Variants in LINGO1 observed in about 807,000 individuals in gnomAD.
The protein encoded by LINGO1 is leucine-rich repeat and immunoglobulin-like domain-containing nogo receptor-interacting protein 1.
Under a neutral mutation model 37.3 loss-of-function variants are expected in LINGO1, and 11 were observed. The observed-to-expected ratio is 0.29, with a 90% CI of 0.19 to 0.49. LINGO1 has a LOEUF of 0.49. Among genes scored for constraint, LINGO1 ranks in the 20% least tolerant of loss-of-function variants. The pLI is 0.99. For missense variants in LINGO1, 585 were observed against 878.2 expected (o/e 0.67, Z 4.22); for synonymous variants, 387 against 403.0 (o/e 0.96, Z 0.48).
At chr15:77,641,256 C>T (rs1231842013) in intron 3 of LINGO1, among the ~76,000 whole-genome samples, 1 of 152,208 alleles carries the variant, frequency 6.6e-6, no homozygotes, top group Non-Finnish European at 1.5e-5. Context: ...CCTTCTTCTC[C>T]AGCTGATGGG....
chr15:77,770,555 T>C (rs1302363853), intron 1 of LINGO1, among the ~76,000 whole-genome samples: 1 of 127,292 alleles, frequency 7.9e-6, no homozygotes, highest in Non-Finnish European at 1.5e-5. Flanking sequence ...GCCATTGCAC[T>C]CCAGCCTGGG....
At chr15:77,642,267 C>G (rs1325999739) in intron 3 of LINGO1, among the ~76,000 whole-genome samples, 1 of 152,198 alleles carries the variant, frequency 6.6e-6, no homozygotes, top group African/African-American at 2.4e-5. Context: ...GTTGCCAGGG[C>G]TTGGTTCATC....
intron 2 of LINGO1, chr15:77,707,287 G>A (rs1432589224): frequency 1.3e-5 from 2 of 152,186 alleles, no homozygotes; most frequent in African/African-American, 4.8e-5. Context: ...GAAAGAAAAG[G>A]GTCTCCACGG....
At chr15:77,617,192 C>T (rs890043276) in intron 1 of LINGO1, among the ~76,000 whole-genome samples, 2 of 152,152 alleles carry the variant, frequency 1.3e-5, no homozygotes, top group African/African-American at 4.8e-5. Flanking sequence ...ATGCGGGAGC[C>T]TCCGTGACCC....
chr15:77,758,766 G>A (rs1281131049), intron 1 of LINGO1, among the ~76,000 whole-genome samples: 1 of 151,992 alleles, frequency 6.6e-6, no homozygotes, highest in African/African-American at 2.4e-5. Context: ...GGATCAGATG[G>A]GGCCACCATC....
At position 77,632,870 on chromosome 15, in the gene LINGO1, C is replaced by T. The variant is rs887411099; in HGVS notation, c.-555G>A. ...CCGCTCCGGCTCCCGCGCCGGCTCC[C>T]GCTCGGGCTCCGCGCTCTGCAGCGG... On this transcript the variant is annotated 5_prime_UTR_variant, in exon 1 of 2. Coordinates refer to ENST00000355300, the MANE Select transcript of LINGO1 (RefSeq NM_032808.7). The surrounding 1 kb of genome is among the most constrained non-coding windows in gnomAD (Gnocchi z 6.0). 3.3e-5 allele frequency among the ~76,000 whole-genome samples: 5 copies of T among 150,156 alleles called. No homozygotes were observed. The highest frequency in any genetic ancestry group is 9.7e-5 in the African/African-American group (4 of 41,114).
intron 1 of LINGO1, among the ~76,000 whole-genome samples, chr15:77,782,747 G>A (rs1044970204): frequency 1.3e-5 from 2 of 149,606 alleles, no homozygotes; most frequent in African/African-American, 2.5e-5. Flanking sequence ...CTGTGGCCAC[G>A]ACTCCACCTC....
intron 2 of LINGO1, among the ~76,000 whole-genome samples, chr15:77,704,438 CCTGGTCAGACACTGAGTCCCGACT>C (rs1206578284): frequency 1.3e-5 from 2 of 152,008 alleles, no homozygotes; most frequent in South Asian, 2.1e-4. Context: ...GAATCCCGAC[CCTGGTCAGACACTGAGTCCCGACT>C]CTGGTCAGAC....
chr15:77,713,210 T>TTGTGTGTGTGTGTGTGTGTGTGTGTGTG (rs57831674), intron 2 of LINGO1, among the ~76,000 whole-genome samples: 1 of 123,722 alleles, frequency 8.1e-6, no homozygotes, highest in Non-Finnish European at 1.6e-5. Flanking sequence ...GCCCAGCTAA[T>TTGTGTGTGTGTGTGTGTGTGTGTGTGTG]TGTGTGTGTG....
chr15:77,774,794 A>T (rs1011640460), intron 1 of LINGO1, among the ~76,000 whole-genome samples: 1 of 149,704 alleles, frequency 6.7e-6, no homozygotes, highest in Non-Finnish European at 1.5e-5. Context: ...TCATGAGGTC[A>T]TCAGTGGGTG....
chr15:77,665,147 C>T (rs981129630), intron 3 of LINGO1, among the ~76,000 whole-genome samples: 1 of 152,172 alleles, frequency 6.6e-6, no homozygotes, highest in African/African-American at 2.4e-5. Context: ...AGACTGTCCA[C>T]AGGATGTTCA....
chr15:77,680,405 TTGC>T lies in LINGO1; in HGVS notation c.-98-3234_-98-3232del, dbSNP rs146574237. 4.2e-3 allele frequency among the ~76,000 whole-genome samples: 633 copies of T among 152,340 alleles called. 7 individuals are homozygous for T. The highest frequency in any genetic ancestry group is 0.014 in the African/African-American group (598 of 41,574). On this transcript the variant is annotated intron_variant, in intron 2 of 3. Transcript: ENST00000559893. ...ACTGCCCCTTTGGGGGCAGGTCACC[TTGC>T]TGCATATGTTGTTAGAACACGTTTG...
intron 1 of LINGO1, among the ~76,000 whole-genome samples, chr15:77,813,944 T>C (rs1321187576): frequency 6.6e-6 from 1 of 152,178 alleles, no homozygotes; most frequent in Non-Finnish European, 1.5e-5. Context: ...CAGGGTTGCC[T>C]GGGAGGTGAA....
At chr15:77,813,697 G>GAT (rs1386945013) in intron 1 of LINGO1, among the ~76,000 whole-genome samples, 1 of 152,204 alleles carries the variant, frequency 6.6e-6, no homozygotes, top group African/African-American at 2.4e-5. Context: ...TTACAGCCGT[G>GAT]AAATAGCATG....
At chr15:77,646,122 G>C (rs911736872) in intron 3 of LINGO1, among the ~76,000 whole-genome samples, 20 of 152,220 alleles carry the variant, frequency 1.3e-4, no homozygotes, top group African/African-American at 4.6e-4. Context: ...CAGACACCCA[G>C]CTGCCAAGGG....
At chr15:77,714,889 C>T (rs545218854) in intron 2 of LINGO1, among the ~76,000 whole-genome samples, 1 of 152,380 alleles carries the variant, frequency 6.6e-6, no homozygotes, top group South Asian at 2.1e-4. Flanking sequence ...CTGGGAGCTG[C>T]TTCCAGTGGT....
intron 1 of LINGO1, among the ~76,000 whole-genome samples, chr15:77,770,339 G>A (rs1214789689): frequency 6.6e-6 from 1 of 152,164 alleles, no homozygotes; most frequent in Non-Finnish European, 1.5e-5. Context: ...TGTAATCCCA[G>A]CACTTTGGGA....
At chr15:77,703,063 T>C (rs1303280516) in intron 2 of LINGO1, among the ~76,000 whole-genome samples, 5 of 152,192 alleles carry the variant, frequency 3.3e-5, no homozygotes, top group African/African-American at 9.7e-5. Context: ...TGCTTTGCCT[T>C]ACTGAGCTTC....
chr15:77,614,656 G>T lies in LINGO1; in HGVS notation c.1251C>A (p.Asn417Lys), dbSNP rs745368214. 6.2e-7 allele frequency: 1 copy of T among 1,612,096 alleles called. No individual in the cohort carries two copies. Among genetic ancestry groups the T allele is most frequent in the East Asian group, 2.2e-5 (1 of 44,812 alleles). ...FKDFPDVLLPNYFTCRRARIR... is the reference protein window; with the variant it reads ...FKDFPDVLLPKYFTCRRARIR... ...TGCGGGCGCGGCGGCAGGTGAAGTA[G>T]TTGGGCAGTAGCACATCAGGGAAGT... is the stretch of plus-strand genomic sequence containing the variant. Residue 417 changes from asparagine to lysine, a missense_variant, in exon 2 of 2, where the codon AAC (asparagine) becomes AAA (lysine). Asn to Lys is a moderately conservative substitution (Grantham distance 94, BLOSUM62 0). Around this residue, in one of 4 missense-constraint regions of LINGO1, gnomAD observed 484 missense variants for 735.0 expected, o/e 0.66. Transcript: ENST00000355300.
Sources: allele counts gnomAD v4.1 joint callset (sites outside exome capture counted in the v4.1 genomes callset), GRCh38; gene constraint gnomAD v4.1.1; regional missense constraint gnomAD v4.1.1; non-coding constraint Gnocchi (gnomAD v3.1); transcripts MANE v1.5; gene names NCBI Gene and HGNC (gene_info 2026-07-23, HGNC 2026-07-21).